The following HGD variants were observed in gnomAD, a reference collection of about 807,000 sequenced individuals.
The protein encoded by HGD is homogentisate 1,2-dioxygenase.
In HGD, 61 loss-of-function variants were observed where a neutral mutation model predicts 60.8. The observed-to-expected ratio is 1.00, with a 90% CI of 0.82 to 1.24. HGD has a LOEUF of 1.24. Ranked by LOEUF, HGD falls within the 50% of genes most tolerant of loss-of-function variation. HGD has a pLI of 0.00. For synonymous variants in HGD, 212 were observed against 187.7 expected (o/e 1.13, Z -1.06); for missense variants, 542 against 547.1 (o/e 0.99, Z 0.09).
intron 4 of HGD, among the ~76,000 whole-genome samples, chr3:120,665,692 T>C (rs1485533745): frequency 2.0e-5 from 3 of 152,240 alleles, no homozygotes; most frequent in Non-Finnish European, 4.4e-5. Context: ...TGAGAGGGTA[T>C]CAAGGATGAC....
rs747764475 is a variant in HGD, at chr3:120,644,328, A to G, written c.765T>C (p.Ala255=). ...AACCCTTTTACTTTACCTGTTTGGC[A>G]GCAAACAGCTTGCCCTGGTATTTAT... ...VINKYQGKLF[A]AKQDVSPFNV... The change falls in exon 10 of 14, where the codon GCT becomes GCC. Residue 255 remains alanine (A), a synonymous_variant. Transcript: ENST00000283871. 86 of 1,613,980 alleles carry G rather than the reference A, an allele frequency of 5.3e-5. No individual in the cohort carries two copies. Among genetic ancestry groups the G allele is most frequent in the Non-Finnish European group, 6.7e-5 (79 of 1,180,018 alleles).
At chr3:120,668,696 T>G (rs1180561776) in intron 4 of HGD, among the ~76,000 whole-genome samples, 1 of 152,254 alleles carries the variant, frequency 6.6e-6, no homozygotes, top group Non-Finnish European at 1.5e-5. Flanking sequence ...AGGCATTGTA[T>G]GAAGCAGGTT....
At chr3:120,634,850 A>C (rs1489816629) in intron 12 of HGD, among the ~76,000 whole-genome samples, 1 of 152,210 alleles carries the variant, frequency 6.6e-6, no homozygotes, top group East Asian at 1.9e-4. Context: ...AGTGAGTGAG[A>C]GTGTGTGAGC....
chr3:120,657,992 A>G (rs992283284), intron 4 of HGD, among the ~76,000 whole-genome samples: 4 of 151,918 alleles, frequency 2.6e-5, no homozygotes, highest in Non-Finnish European at 5.9e-5. Flanking sequence ...AGATCCAATC[A>G]CCTCCTGCCA....
intron 4 of HGD, among the ~76,000 whole-genome samples, chr3:120,654,847 T>C (rs144182886): frequency 0.019 from 2,824 of 151,936 alleles, 44 homozygotes; most frequent in Non-Finnish European, 0.031. Context: ...CCAAGGTGGG[T>C]GGATCATGAG....
chr3:120,667,222 G>A (rs1707918044), intron 4 of HGD, among the ~76,000 whole-genome samples: 1 of 150,962 alleles, frequency 6.6e-6, no homozygotes, highest in Non-Finnish European at 1.5e-5. Flanking sequence ...GCTACTCAGG[G>A]GACTGAGGTA....
intron 4 of HGD, among the ~76,000 whole-genome samples, chr3:120,667,352 G>C (rs879278140): frequency 1.0e-5 from 1 of 98,070 alleles, no homozygotes; most frequent in African/African-American, 4.1e-5. Context: ...AAAAAAAAAA[G>C]ACAAAGCTAG....
chr3:120,632,351 T>C (rs1478149824), intron 13 of HGD, among the ~76,000 whole-genome samples: 1 of 150,334 alleles, frequency 6.7e-6, no homozygotes, highest in Non-Finnish European at 1.5e-5. Flanking sequence ...TGATTTAGCA[T>C]AAAATTACTC....
intron 3 of HGD, among the ~76,000 whole-genome samples, chr3:120,672,450 C>A (rs1013462634): frequency 4.6e-5 from 7 of 152,194 alleles, no homozygotes; most frequent in Admixed American, 3.3e-4. Flanking sequence ...GAAGACCAGA[C>A]CTGAATCAAC....
Position 120,652,644 on chromosome 3 carries a change from C to T in HGD, c.290G>A (p.Trp97Ter), listed in dbSNP as rs767089050. The change falls in exon 5 of 14, where the codon TGG becomes TAG. Residue 97 changes from tryptophan to a stop codon, truncating the protein, a stop_gained. Coordinates refer to ENST00000283871, the MANE Select transcript of HGD (RefSeq NM_000187.4). LOFTEE classifies it high-confidence loss of function. ...TGCTTTTGGAATCTCAAATGGTTTC[C>T]ATCTAAGCTGGAAAAAAAATACACA... The part of the protein sequence containing the change: ...EVDPDPNQLR[W>*]KPFEIPKASQ... 6.2e-7 allele frequency: 1 copy of T among 1,612,366 alleles called. No homozygotes were observed. The highest frequency in any genetic ancestry group is 8.5e-7 in the Non-Finnish European group (1 of 1,178,672).
intron 1 of HGD, among the ~76,000 whole-genome samples, chr3:120,679,757 G>C (rs552353860): frequency 2.0e-5 from 3 of 152,146 alleles, no homozygotes; most frequent in African/African-American, 7.2e-5. Context: ...GCCTCTAGAA[G>C]AGGAAACAGA....
intron 2 of HGD, 68 bp from the exon 3 acceptor site, chr3:120,675,057 A>C (rs1708099416): frequency 2.9e-6 from 3 of 1,031,780 alleles, no homozygotes; most frequent in Non-Finnish European, 4.6e-6. Flanking sequence ...CCACCAACCA[A>C]CTCAGTAGGG....
At chr3:120,675,145 T>A (rs931435682) in intron 2 of HGD, among the ~76,000 whole-genome samples, 156 bp from the exon 3 acceptor site, 3 of 152,130 alleles carry the variant, frequency 2.0e-5, no homozygotes, top group African/African-American at 7.2e-5. Context: ...TGATGTGACT[T>A]GCCCCCCGAT....
rs142860139 is a variant in HGD, at chr3:120,651,390, T to C, written c.343-525A>G. Among the ~76,000 whole-genome samples the C allele has an allele frequency of 3.2e-3, 480 of 152,302 alleles. 3 individuals are homozygous for C. Among genetic ancestry groups the C allele is most frequent in the African/African-American group, 0.011 (461 of 41,556 alleles). On this transcript the variant is annotated intron_variant, in intron 5 of 13. Coordinates refer to ENST00000283871, the MANE Select transcript of HGD (RefSeq NM_000187.4). ...TGCTGTGTGACCAGATGATCCATAG[T>C]GCAAGAAACCTTAACACATGGGTCT... is the stretch of plus-strand genomic sequence containing the variant.
At chr3:120,671,088 C>T (rs1484285299) in intron 3 of HGD, among the ~76,000 whole-genome samples, 1 of 152,194 alleles carries the variant, frequency 6.6e-6, no homozygotes, top group Non-Finnish European at 1.5e-5. Context: ...ATGGCACCTT[C>T]GTCCTCCAGT....
intron 4 of HGD, 171 bp downstream of exon 4, chr3:120,670,256 T>C (rs1465567275): frequency 1.6e-6 from 1 of 638,776 alleles, no homozygotes; most frequent in African/African-American, 1.8e-5. Flanking sequence ...AGCATGAGAA[T>C]GGACTAATAC....
At chr3:120,675,221 A>C (rs1352192750) in intron 2 of HGD, among the ~76,000 whole-genome samples, 1 of 152,136 alleles carries the variant, frequency 6.6e-6, no homozygotes, top group Non-Finnish European at 1.5e-5. Context: ...ATTATCTCAC[A>C]ACCAGAAATA....
intron 4 of HGD, among the ~76,000 whole-genome samples, chr3:120,654,440 C>T (rs1221181526): frequency 4.6e-5 from 7 of 152,278 alleles, no homozygotes; most frequent in Non-Finnish European, 8.8e-5. Context: ...AGAACCCAAT[C>T]CAGAGGTTCT....
Position 120,633,271 on chromosome 3 carries a change from C to A in HGD, c.1064G>T (p.Gly355Val). 6.2e-7 allele frequency: 1 copy of A among 1,614,052 alleles called. No homozygotes were observed. Among genetic ancestry groups the A allele is most frequent in the Non-Finnish European group, 8.5e-7 (1 of 1,179,992 alleles). The change falls in exon 13 of 14, where the codon GGT becomes GTT. Residue 355 changes from glycine to valine, a missense_variant. By Grantham distance (109) the Gly-to-Val change is moderately radical. Around this residue, in one of 2 missense-constraint regions of HGD, gnomAD observed 537 missense variants for 529.1 expected, o/e 1.01. Transcript: ENST00000283871. ...LIRGHYEAKQ[G>V]GFLPGGGSLH... is the part of the protein sequence containing the mutation. ...ACTCCCTCCCCCTGGCAGGAACCCA[C>A]CTTGCTTTGCCTCATAGTGACCTCG... is the stretch of plus-strand genomic sequence containing the variant.
Sources: gnomAD v4.1 joint callset for allele counts (sites outside exome capture counted in the v4.1 genomes callset) on GRCh38, gnomAD v4.1.1 for gene constraint, gnomAD v4.1.1 regional missense constraint, MANE v1.5 for transcripts, NCBI Gene and HGNC (gene_info 2026-07-23, HGNC 2026-07-21) for gene names.